The following KIAA1328 variants were observed in gnomAD, a reference collection of about 807,000 sequenced individuals.
KIAA1328 encodes the protein KIAA1328, also known as protein hinderin.
A neutral mutation model predicts 68.1 loss-of-function variants in KIAA1328; 52 were observed. That is an observed-to-expected ratio of 0.76 (90% CI 0.61 to 0.96). KIAA1328 has a LOEUF of 0.96. Ranked by LOEUF, KIAA1328 falls within the 40% of genes least tolerant of loss-of-function variation. The pLI is 0.00. For missense variants in KIAA1328, 641 were observed against 677.6 expected (o/e 0.95, Z 0.60); for synonymous variants, 232 against 239.4 (o/e 0.97, Z 0.28).
chr18:37,231,964 C>T (rs767913790), downstream of KIAA1328: 1 of 152,236 alleles, frequency 6.6e-6, no homozygotes, highest in African/African-American at 2.4e-5. Context: ...CTGGTTTCCT[C>T]TGTTCTTCTC....
chr18:36,895,388 A>C (rs557626943), intron 5 of KIAA1328, among the ~76,000 whole-genome samples: 3 of 152,290 alleles, frequency 2.0e-5, no homozygotes, highest in Admixed American at 2.0e-4. Flanking sequence ...GGAAAAGGAG[A>C]TACTGTTGTG....
intron 7 of KIAA1328, among the ~76,000 whole-genome samples, chr18:37,136,315 A>G (rs750143354): frequency 2.6e-5 from 4 of 152,178 alleles, no homozygotes; most frequent in Non-Finnish European, 5.9e-5. Flanking sequence ...GACTACTCTC[A>G]GTTCTAAAAT....
At chr18:37,170,133 C>G (rs1389001168) in intron 8 of KIAA1328, among the ~76,000 whole-genome samples, 1 of 152,144 alleles carries the variant, frequency 6.6e-6, no homozygotes. Context: ...TGACTTTGTT[C>G]TATCTGTTCC....
intron 4 of KIAA1328, among the ~76,000 whole-genome samples, chr18:36,880,848 T>C (rs1338607237): frequency 5.3e-5 from 8 of 152,336 alleles, no homozygotes; most frequent in Admixed American, 5.2e-4. Flanking sequence ...AGATTTGTCC[T>C]TTATTCTGTT....
In KIAA1328 at chr18:37,052,977, A is replaced by T. The variant is rs572552581; in HGVS notation, c.577-13913A>T. Among the ~76,000 whole-genome samples the T allele has an allele frequency of 4.3e-4, 66 of 152,340 alleles. 1 individual carries two copies. Among genetic ancestry groups the T allele is most frequent in the African/African-American group, 1.6e-3 (66 of 41,590 alleles). On this transcript the variant is annotated intron_variant, in intron 6 of 9. Coordinates refer to ENST00000280020, the MANE Select transcript of KIAA1328 (RefSeq NM_020776.3). ...CAAGTTACCAACATCATTTTCATAG[A>T]ATTAGAAAAAGCAGTTCTAAAATTC... is the stretch of plus-strand genomic sequence containing the variant.
At chr18:36,874,051 T>C (rs1384292340) in intron 4 of KIAA1328, among the ~76,000 whole-genome samples, 1 of 152,246 alleles carries the variant, frequency 6.6e-6, no homozygotes, top group Non-Finnish European at 1.5e-5. Context: ...TATTCCATTG[T>C]GTATATGTGC....
At chr18:37,095,466 A>G (rs72892531) in intron 7 of KIAA1328, among the ~76,000 whole-genome samples, 8,887 of 152,250 alleles carry the variant, frequency 0.058, 399 homozygotes, top group Non-Finnish European at 0.083. Context: ...ATTAAACAAC[A>G]TGCTCCCAAA....
intron 6 of KIAA1328, among the ~76,000 whole-genome samples, chr18:37,018,993 A>G (rs1372548287): frequency 7.2e-5 from 11 of 152,144 alleles, no homozygotes. Context: ...GTATCATTAC[A>G]TTCAAATTTT....
At chr18:36,953,305 A>C in intron 5 of KIAA1328, among the ~76,000 whole-genome samples, 1 of 147,448 alleles carries the variant, frequency 6.8e-6, no homozygotes, top group East Asian at 2.0e-4. Flanking sequence ...TTTATTATAT[A>C]CAAATATTTA....
chr18:37,039,658 G>A (rs985796689), intron 6 of KIAA1328, among the ~76,000 whole-genome samples: 12 of 152,080 alleles, frequency 7.9e-5, no homozygotes, highest in Admixed American at 5.2e-4. Context: ...TGATCCGCCC[G>A]CCTCGGCCTC....
chr18:37,020,428 G>A (rs375130228), intron 6 of KIAA1328, among the ~76,000 whole-genome samples: 20 of 152,144 alleles, frequency 1.3e-4, no homozygotes, highest in South Asian at 2.1e-4. Context: ...CAGCCGAAAC[G>A]TAAGTATTTC....
At chr18:36,985,283 G>A (rs956311009) in intron 6 of KIAA1328, among the ~76,000 whole-genome samples, 1 of 152,172 alleles carries the variant, frequency 6.6e-6, no homozygotes, top group African/African-American at 2.4e-5. Flanking sequence ...CTGTGCAACA[G>A]GGATAGACCT....
At chr18:37,040,965 T>TA (rs1214202434) in intron 6 of KIAA1328, among the ~76,000 whole-genome samples, 1 of 151,732 alleles carries the variant, frequency 6.6e-6, no homozygotes, top group Non-Finnish European at 1.5e-5. Flanking sequence ...TTTTTAATTT[T>TA]AAAAAAATTA....
At chr18:37,026,342 A>G (rs113485578) in intron 6 of KIAA1328, among the ~76,000 whole-genome samples, 1 of 152,192 alleles carries the variant, frequency 6.6e-6, no homozygotes, top group African/African-American at 2.4e-5. Context: ...CAATCAATAG[A>G]AAAAGAAGGA....
At chr18:36,834,076 T>G (rs1406855285) in intron 1 of KIAA1328, 1 of 503,344 alleles carries the variant, frequency 2.0e-6, no homozygotes, top group Non-Finnish European at 3.0e-6. Context: ...TTATAAGATG[T>G]GTAGTTGTGA....
chr18:36,880,292 A>T (rs2048286563), intron 4 of KIAA1328, among the ~76,000 whole-genome samples: 1 of 152,052 alleles, frequency 6.6e-6, no homozygotes, highest in Non-Finnish European at 1.5e-5. Flanking sequence ...GAGTTCCCCA[A>T]TGCCTTGCGC....
intron 4 of KIAA1328, among the ~76,000 whole-genome samples, chr18:36,860,305 A>G (rs2047522622): frequency 6.6e-6 from 1 of 152,122 alleles, no homozygotes; most frequent in African/African-American, 2.4e-5. Context: ...TTATATTCAA[A>G]TCTTCTATTT....
chr18:36,987,687 C>G (rs2052998128), intron 6 of KIAA1328, among the ~76,000 whole-genome samples: 1 of 151,860 alleles, frequency 6.6e-6, no homozygotes, highest in South Asian at 2.1e-4. Flanking sequence ...CACAAGGAGA[C>G]TTTTAGAGAT....
At position 37,019,441 on chromosome 18, in the gene KIAA1328, T is replaced by C. The variant is rs183533521; in HGVS notation, c.577-47449T>C. Among the ~76,000 whole-genome samples, 220 of 152,320 alleles carry C rather than the reference T, an allele frequency of 1.4e-3. 3 individuals carry two copies. Among genetic ancestry groups the C allele is most frequent in the Admixed American group, 0.013 (202 of 15,300 alleles). On this transcript the variant is annotated intron_variant, in intron 6 of 9. Coordinates refer to ENST00000280020, the MANE Select transcript of KIAA1328 (RefSeq NM_020776.3). Reference sequence around the variant, plus strand: ...AGTGGTGTGAGCTCCCTGATCAACCTCACGGTGCCGGGAGGCAAGAACCAG... The same window carrying C: ...AGTGGTGTGAGCTCCCTGATCAACCCCACGGTGCCGGGAGGCAAGAACCAG...
Sources: gnomAD v4.1 joint callset for allele counts (sites outside exome capture counted in the v4.1 genomes callset) on GRCh38, gnomAD v4.1.1 for gene constraint, MANE v1.5 for transcripts, NCBI Gene and HGNC (gene_info 2026-07-23, HGNC 2026-07-21) for gene names.